Variants in TBCK observed in about 807,000 individuals in gnomAD.
TBCK encodes TBC1 domain containing kinase, also known as TBC domain-containing protein kinase-like protein.
A neutral mutation model predicts 113.4 loss-of-function variants in TBCK; 99 were observed. The observed-to-expected ratio is 0.87, with a 90% CI of 0.74 to 1.03. The LOEUF (loss-of-function observed/expected upper bound fraction) is 1.03. TBCK is among the 50% of genes least tolerant of loss of function. TBCK has a pLI of 0.00. For synonymous variants in TBCK, 369 were observed against 370.8 expected (o/e 1.00, Z 0.05); for missense variants, 1,045 against 1,061.3 (o/e 0.98, Z 0.21).
At chr4:106,245,482 T>G (rs748412869) in intron 10 of TBCK, among the ~76,000 whole-genome samples, 5 of 152,116 alleles carry the variant, frequency 3.3e-5, no homozygotes, top group African/African-American at 1.2e-4. Flanking sequence ...AAGCATTCTG[T>G]AGTCAGTCCT....
chr4:106,125,570 T>C (rs1425786122), intron 23 of TBCK, among the ~76,000 whole-genome samples: 2 of 152,126 alleles, frequency 1.3e-5, no homozygotes, highest in African/African-American at 4.8e-5. Context: ...TGGATGGAAT[T>C]GGAGGTCATC....
At chr4:106,296,291 A>G (rs989217471) in intron 2 of TBCK, among the ~76,000 whole-genome samples, 7 of 152,192 alleles carry the variant, frequency 4.6e-5, no homozygotes, top group Non-Finnish European at 1.0e-4. Flanking sequence ...TGTTGTCAGT[A>G]TCTATGCAAA....
chr4:106,051,287 A>G (rs570020765), intron 25 of TBCK, among the ~76,000 whole-genome samples: 1 of 151,962 alleles, frequency 6.6e-6, no homozygotes, highest in South Asian at 2.1e-4. Context: ...TTTAGGGAGG[A>G]ACACATGGCA....
intron 2 of TBCK, among the ~76,000 whole-genome samples, chr4:106,299,993 G>A (rs555909501): frequency 1.6e-4 from 24 of 152,274 alleles, no homozygotes; most frequent in South Asian, 1.0e-3. Context: ...GAATTCTCAC[G>A]TGTTGTGGGA....
At chr4:106,153,806 A>C (rs1021134639) in intron 23 of TBCK, among the ~76,000 whole-genome samples, 1 of 151,168 alleles carries the variant, frequency 6.6e-6, no homozygotes, top group Non-Finnish European at 1.5e-5. Flanking sequence ...TTATATAATG[A>C]CTTTCTTCGT....
Position 106,202,846 on chromosome 4 carries a change from G to A in TBCK, c.1861-8092C>T, listed in dbSNP as rs555023407. The stretch of plus-strand genomic sequence containing the variant: ...CACAATATTTTGCAATAAGAAACCT[G>A]GACCATTTTACTTTGCTAAAAGGAT... On this transcript the variant is annotated intron_variant, in intron 20 of 25. Coordinates refer to ENST00000394708, the MANE Select transcript of TBCK (RefSeq NM_001163435.3). 4.9e-4 allele frequency among the ~76,000 whole-genome samples: 75 copies of A among 151,904 alleles called. 1 individual carries two copies. Among genetic ancestry groups the A allele is most frequent in the Non-Finnish European group, 2.1e-4 (14 of 67,908 alleles).
At chr4:106,093,498 C>G (rs1740552861) in intron 25 of TBCK, among the ~76,000 whole-genome samples, 1 of 152,174 alleles carries the variant, frequency 6.6e-6, no homozygotes, top group Non-Finnish European at 1.5e-5. Context: ...AAGGGCGAGA[C>G]TCGTCTCAAA....
chr4:106,255,865 A>G (rs1761929465), intron 5 of TBCK, among the ~76,000 whole-genome samples: 1 of 152,156 alleles, frequency 6.6e-6, no homozygotes, highest in African/African-American at 2.4e-5. Flanking sequence ...TAGAACACCT[A>G]AAGAGACCCA....
intron 24 of TBCK, among the ~76,000 whole-genome samples, chr4:106,099,639 CA>C (rs1741318360): frequency 1.3e-5 from 2 of 152,122 alleles, no homozygotes. Context: ...TCCCCCAAAT[CA>C]ACCAGTCAAA....
chr4:106,236,312 T>A (rs539618164), intron 14 of TBCK, 78 bp downstream of exon 14: 8 of 1,078,522 alleles, frequency 7.4e-6, no homozygotes, highest in Non-Finnish European at 9.7e-6. Flanking sequence ...TACTCAAGAT[T>A]CCCTAAGAAT....
intron 23 of TBCK, among the ~76,000 whole-genome samples, chr4:106,145,480 G>A (rs1474335822): frequency 6.6e-6 from 1 of 152,152 alleles, no homozygotes; most frequent in Non-Finnish European, 1.5e-5. Context: ...ATTACAACAA[G>A]CCTACCTTGG....
intron 24 of TBCK, among the ~76,000 whole-genome samples, chr4:106,102,867 G>A (rs1379189475): frequency 2.0e-5 from 3 of 151,902 alleles, no homozygotes; most frequent in African/African-American, 2.4e-5. Flanking sequence ...CACATTTTGC[G>A]GCAAGAGAGA....
chr4:106,307,319 G>A (rs1416456609), intron 2 of TBCK, among the ~76,000 whole-genome samples: 1 of 152,090 alleles, frequency 6.6e-6, no homozygotes, highest in Non-Finnish European at 1.5e-5. Flanking sequence ...CTTTCACACA[G>A]TAATGTTACA....
chr4:106,231,629 A>T (rs551522817), intron 18 of TBCK, 100 bp downstream of exon 18: 1 of 987,754 alleles, frequency 1.0e-6, no homozygotes, highest in South Asian at 1.6e-5. Context: ...TACCAGGGAG[A>T]GAATAAGAGC....
At chr4:106,157,835 G>C (rs899436988) in intron 23 of TBCK, among the ~76,000 whole-genome samples, 2 of 152,102 alleles carry the variant, frequency 1.3e-5, no homozygotes, top group Admixed American at 1.3e-4. Flanking sequence ...CTGTGCAGAA[G>C]ACATGCTCGG....
intron 3 of TBCK, among the ~76,000 whole-genome samples, chr4:106,284,118 G>T (rs374333812): frequency 2.4e-4 from 36 of 152,154 alleles, no homozygotes; most frequent in African/African-American, 7.9e-4. Flanking sequence ...TGTAAAACAG[G>T]AAGAGAATTA....
At position 106,244,638 on chromosome 4, in the gene TBCK, C is replaced by T; in HGVS notation, c.1058G>A (p.Cys353Tyr). 6.2e-7 allele frequency: 1 copy of T among 1,603,692 alleles called. No homozygotes were observed. Among genetic ancestry groups the T allele is most frequent in the South Asian group, 1.1e-5 (1 of 88,636 alleles). ...TTTCTTTCCTTACTTGGGGAGTGTG[C>T]AGATAGGTGGTTTGGATCGAATGAT... ...KEIIRSKPPI[C>Y]TLPNFLFEDG... The change falls in exon 11 of 26, where the codon TGC becomes TAC. Residue 353 changes from cysteine (C) to tyrosine (Y), a missense_variant. By Grantham distance (194) the Cys-to-Tyr change is radical. Transcript: ENST00000394708.
chr4:106,305,557 C>G (rs1365024379), intron 2 of TBCK, among the ~76,000 whole-genome samples: 1 of 152,064 alleles, frequency 6.6e-6, no homozygotes, highest in African/African-American at 2.4e-5. Flanking sequence ...GGGTCTAGCT[C>G]TGTCACCCAG....
In TBCK at chr4:106,055,042, CATCTATATCCACCCATGATAG is replaced by C. The variant is rs564378528; in HGVS notation, c.2572-8383_2572-8363del. On this transcript the variant is annotated intron_variant, in intron 25 of 25. Coordinates refer to ENST00000394708, the MANE Select transcript of TBCK (RefSeq NM_001163435.3). The stretch of plus-strand genomic sequence containing the variant: ...ACATATGTTACTATATGTAACATAT[CATCTATATCCACCCATGATAG>C]ACAATATCCTCACTTCATTTCCACA... 5.6e-3 allele frequency among the ~76,000 whole-genome samples: 855 copies of C among 151,646 alleles called. 7 individuals carry two copies. Among genetic ancestry groups the C allele is most frequent in the African/African-American group, 0.02 (826 of 41,458 alleles).
Sources: allele counts gnomAD v4.1 joint callset (sites outside exome capture counted in the v4.1 genomes callset), GRCh38; gene constraint gnomAD v4.1.1; transcripts MANE v1.5; gene names NCBI Gene and HGNC (gene_info 2026-07-23, HGNC 2026-07-21).